The following TCERG1L variants were observed in gnomAD, a reference collection of about 807,000 sequenced individuals.
TCERG1L encodes the protein transcription elongation regulator 1 like, also known as transcription elongation regulator 1-like protein.
Under a neutral mutation model 56.3 loss-of-function variants are expected in TCERG1L, and 37 were observed. The ratio of observed to expected loss-of-function variants is 0.66; its 90% CI spans 0.51 to 0.87. The LOEUF (loss-of-function observed/expected upper bound fraction) is 0.87. TCERG1L is among the 40% of genes least tolerant of loss of function. The pLI is 0.00. For missense variants in TCERG1L, 799 were observed against 774.2 expected (o/e 1.03, Z -0.38); for synonymous variants, 324 against 326.3 (o/e 0.99, Z 0.08).
At position 131,222,511 on chromosome 10, in the gene TCERG1L, G is replaced by A. The variant is rs201166681; in HGVS notation, c.856+37748C>T. Among the ~76,000 whole-genome samples the A allele has an allele frequency of 3.0e-4, 45 of 152,340 alleles. 1 individual carries two copies. In the East Asian group the frequency reaches 6.9e-3, roughly 24 times the overall value. On this transcript the variant is annotated intron_variant, in intron 4 of 11. Transcript: ENST00000368642. ...AAGTCAGAAGGCAGCCGCCACACTG[G>A]TGTGAGTGCCAGCCTGGTGCTGGGA...
chr10:131,244,747 A>G (rs1846013602), intron 4 of TCERG1L, among the ~76,000 whole-genome samples: 2 of 152,104 alleles, frequency 1.3e-5, no homozygotes, highest in African/African-American at 4.8e-5. Flanking sequence ...AGGCTGAAAG[A>G]GTTTTACCTG....
intron 4 of TCERG1L, among the ~76,000 whole-genome samples, chr10:131,196,639 C>T (rs1483731196): frequency 6.6e-6 from 1 of 152,198 alleles, no homozygotes; most frequent in Non-Finnish European, 1.5e-5. Context: ...AGCCCTGGAG[C>T]TCGGAGGCCA....
chr10:131,113,489 G>T (rs1488958304), intron 9 of TCERG1L, among the ~76,000 whole-genome samples: 2 of 142,202 alleles, frequency 1.4e-5, no homozygotes, highest in Non-Finnish European at 3.2e-5. Flanking sequence ...CTTCTGCCTG[G>T]GACTGTAGAG....
chr10:131,250,045 C>T (rs1390242213), intron 4 of TCERG1L, among the ~76,000 whole-genome samples: 6 of 152,336 alleles, frequency 3.9e-5, no homozygotes, highest in Middle Eastern at 3.4e-3. Context: ...TAAAGCCACA[C>T]GATTTGAGTC....
chr10:131,221,699 A>C (rs1023183769), intron 4 of TCERG1L, among the ~76,000 whole-genome samples: 5 of 152,138 alleles, frequency 3.3e-5, no homozygotes, highest in African/African-American at 1.2e-4. Context: ...GCAGCAGGGG[A>C]GGTCCCCATG....
chr10:131,107,829 C>G lies in TCERG1L; in HGVS notation c.1396-3475G>C, dbSNP rs193080926. On this transcript the variant is annotated intron_variant, in intron 9 of 11. Coordinates refer to ENST00000368642, the MANE Select transcript of TCERG1L (RefSeq NM_174937.4). ...GTGCACACACATGCAAACACATGAA[C>G]ACACCCAGGACACGCTAAGATATAC... Among the ~76,000 whole-genome samples, 427 of 152,200 alleles carry G rather than the reference C, an allele frequency of 2.8e-3. 2 individuals carry two copies. The highest frequency in any genetic ancestry group is 7.1e-3 in the Admixed American group (109 of 15,296).
intron 4 of TCERG1L, among the ~76,000 whole-genome samples, chr10:131,175,102 G>A (rs1362955600): frequency 6.6e-6 from 1 of 152,210 alleles, no homozygotes; most frequent in African/African-American, 2.4e-5. Flanking sequence ...AATGGCCTGC[G>A]GAGGTGGTGG....
At chr10:131,227,533 C>T (rs1337383019) in intron 4 of TCERG1L, among the ~76,000 whole-genome samples, 2 of 152,204 alleles carry the variant, frequency 1.3e-5, no homozygotes, top group Non-Finnish European at 2.9e-5. Flanking sequence ...ATAGCAAACA[C>T]CTGCCAGGAA....
rs545422889 is a variant in TCERG1L at position 131,133,621 on chromosome 10, C to T, written c.1259+758G>A. On this transcript the variant is annotated intron_variant, in intron 8 of 11. Coordinates refer to ENST00000368642, the MANE Select transcript of TCERG1L (RefSeq NM_174937.4). ...CAAACATGGGGCCCAGCAGCCACAACATTCCTTCCGTCTCCCTGTTCTGGG... is the reference window on the plus strand; with the variant it reads ...CAAACATGGGGCCCAGCAGCCACAATATTCCTTCCGTCTCCCTGTTCTGGG... Among the ~76,000 whole-genome samples the T allele has an allele frequency of 2.0e-5, 3 of 152,320 alleles. No individual in the cohort carries two copies. In the South Asian group the frequency reaches 6.2e-4, roughly 32 times the overall value.
Position 131,269,835 on chromosome 10 carries a change from G to A in TCERG1L, c.671-9391C>T, listed in dbSNP as rs138327143. ...TGGGGTTGCCACAAACCTTCAACTT[G>A]TAAAAACACACTATCAGCAAGGCAC... On this transcript the variant is annotated intron_variant, in intron 3 of 11. Transcript: ENST00000368642. Among the ~76,000 whole-genome samples the A allele has an allele frequency of 5.6e-4, 86 of 152,276 alleles. 1 individual carries two copies. The East Asian group carries it at 0.012, about 21-fold the overall frequency.
chr10:131,252,340 TG>T (rs1846120917), intron 4 of TCERG1L, among the ~76,000 whole-genome samples: 3 of 152,134 alleles, frequency 2.0e-5, no homozygotes, highest in Admixed American at 2.0e-4. Context: ...GAAGCACCAA[TG>T]TTGCTTTAGG....
rs1846588254 is a variant in TCERG1L, at chr10:131,289,591, CAA to C, written c.670+18618_670+18619del. Among the ~76,000 whole-genome samples the C allele has an allele frequency of 2.8e-4, 14 of 50,684 alleles. 1 individual carries two copies. The highest frequency in any genetic ancestry group is 7.4e-4 in the African/African-American group (14 of 18,882). 33.3% of individuals were successfully genotyped at this position (50,684 alleles called of 152,430 possible). On this transcript the variant is annotated intron_variant, in intron 3 of 11. Coordinates refer to ENST00000368642, the MANE Select transcript of TCERG1L (RefSeq NM_174937.4). ...GGTGTGCACTGCCTCCATCTCCTAT[CAA>C]TGTGAGTGTATGTGTGCACCGCTGT...
chr10:131,117,666 C>T (rs927769087), intron 8 of TCERG1L, among the ~76,000 whole-genome samples: 46 of 152,130 alleles, frequency 3.0e-4, no homozygotes, highest in African/African-American at 9.6e-4. Flanking sequence ...CTGACCATGC[C>T]GGGCTGGGCA....
intron 4 of TCERG1L, among the ~76,000 whole-genome samples, chr10:131,191,729 A>G (rs1845303210): frequency 7.1e-6 from 1 of 140,928 alleles, no homozygotes; most frequent in Non-Finnish European, 1.6e-5. Flanking sequence ...CTTAAATATA[A>G]GACCTGAAAC....
chr10:131,264,860 A>G (rs1001786257), intron 3 of TCERG1L, among the ~76,000 whole-genome samples: 4 of 152,214 alleles, frequency 2.6e-5, no homozygotes, highest in African/African-American at 9.6e-5. Context: ...CTAAAACTGC[A>G]GGAGCCTTTT....
intron 4 of TCERG1L, among the ~76,000 whole-genome samples, chr10:131,188,346 C>T (rs76684910): frequency 1.0e-3 from 152 of 152,220 alleles, no homozygotes; most frequent in Non-Finnish European, 1.7e-3. Flanking sequence ...ACCTAGAAAA[C>T]GGGCTTCTGA....
In TCERG1L at chr10:131,291,640, G is replaced by A. The variant is rs371446481; in HGVS notation, c.670+16571C>T. On this transcript the variant is annotated intron_variant, in intron 3 of 11. Coordinates refer to ENST00000368642, the MANE Select transcript of TCERG1L (RefSeq NM_174937.4). ...ACGGGGTTTCACCGTGTTAGCCAAG[G>A]TGGTCTCGATCTCCTGACCTCGTGA... 3.0e-3 allele frequency among the ~76,000 whole-genome samples: 453 copies of A among 151,116 alleles called. 5 individuals are homozygous for A. The highest frequency in any genetic ancestry group is 0.012 in the East Asian group (59 of 5,128).
At chr10:131,137,275 C>T (rs187557812) in intron 7 of TCERG1L, among the ~76,000 whole-genome samples, 336 of 152,330 alleles carry the variant, frequency 2.2e-3, no homozygotes, top group African/African-American at 7.5e-3. Flanking sequence ...TCCTCTCCCG[C>T]TGGGGCGCTG....
intron 10 of TCERG1L, among the ~76,000 whole-genome samples, chr10:131,101,185 A>G (rs1845300982): frequency 6.6e-6 from 1 of 152,204 alleles, no homozygotes; most frequent in Non-Finnish European, 1.5e-5. Flanking sequence ...GGCCTGAGGA[A>G]GGTCCAGCCT....
Sources: gnomAD v4.1 joint callset for allele counts (sites outside exome capture counted in the v4.1 genomes callset) on GRCh38, gnomAD v4.1.1 for gene constraint, MANE v1.5 for transcripts, NCBI Gene and HGNC (gene_info 2026-07-23, HGNC 2026-07-21) for gene names.